ACOXL: variants seen among roughly 807,000 people sequenced by gnomAD.
ACOXL encodes the protein acyl-coenzyme A oxidase-like protein.
Under a neutral mutation model 71.9 loss-of-function variants are expected in ACOXL, and 70 were observed. The ratio of observed to expected loss-of-function variants is 0.97; its 90% CI spans 0.80 to 1.19. The LOEUF is 1.19. Among genes scored for constraint, ACOXL ranks in the 50% most tolerant of loss-of-function variants. ACOXL has a pLI of 0.00. For missense variants in ACOXL, 703 were observed against 736.3 expected, an observed-to-expected ratio of 0.95 and a Z score of 0.52; for synonymous variants, 253 against 281.6, an observed-to-expected ratio of 0.90 and a Z score of 1.02.
At chr2:111,013,802 T>C (rs2064293999) in intron 14 of ACOXL, among the ~76,000 whole-genome samples, 1 of 152,144 alleles carries the variant, frequency 6.6e-6, no homozygotes, top group Non-Finnish European at 1.5e-5. Flanking sequence ...GTAAGACTGA[T>C]ACCCAAAATT....
At chr2:110,794,985 T>C (rs928513083) in intron 5 of ACOXL, among the ~76,000 whole-genome samples, 7 of 150,950 alleles carry the variant, frequency 4.6e-5, no homozygotes, top group Admixed American at 2.0e-4. Context: ...TGTGTACTTA[T>C]CTCACTCTCC....
intron 1 of ACOXL, among the ~76,000 whole-genome samples, chr2:110,744,003 C>G (rs1262673889): frequency 6.6e-6 from 1 of 152,178 alleles, no homozygotes; most frequent in African/African-American, 2.4e-5. Context: ...CTCTGGGGCC[C>G]CCCAGGCACT....
At chr2:110,743,743 C>G (rs1677828945) in intron 1 of ACOXL, among the ~76,000 whole-genome samples, 6 of 152,320 alleles carry the variant, frequency 3.9e-5, no homozygotes, top group Admixed American at 2.6e-4. Flanking sequence ...TTTTTCCTAG[C>G]CCTTAGAACT....
chr2:111,036,726 G>A (rs544145739), intron 15 of ACOXL: 2 of 152,376 alleles, frequency 1.3e-5, no homozygotes, highest in Admixed American at 1.3e-4. Flanking sequence ...TTGAGGTCTG[G>A]AAATCCAGGA....
At chr2:111,077,304 C>T (rs2067652313) in intron 16 of ACOXL, among the ~76,000 whole-genome samples, 1 of 152,124 alleles carries the variant, frequency 6.6e-6, no homozygotes, top group Non-Finnish European at 1.5e-5. Flanking sequence ...AATATTTTAT[C>T]TCTTCAAGTG....
intron 16 of ACOXL, among the ~76,000 whole-genome samples, chr2:111,064,158 G>A (rs1030378778): frequency 2.0e-5 from 3 of 152,052 alleles, no homozygotes; most frequent in African/African-American, 7.2e-5. Flanking sequence ...TGTAGTAGGC[G>A]GGGCACAGTG....
At chr2:110,771,563 A>C (rs1681937342) in intron 2 of ACOXL, among the ~76,000 whole-genome samples, 1 of 152,270 alleles carries the variant, frequency 6.6e-6, no homozygotes. Context: ...AGAATAAACC[A>C]TTAAAATATT....
intron 9 of ACOXL, among the ~76,000 whole-genome samples, chr2:110,815,717 G>A (rs1364128250): frequency 1.3e-5 from 2 of 152,190 alleles, no homozygotes; most frequent in Admixed American, 6.5e-5. Context: ...GGCAGGAACC[G>A]AAGGAGGTAA....
At chr2:110,881,986 C>G (rs904078053) in intron 10 of ACOXL, among the ~76,000 whole-genome samples, 1 of 151,950 alleles carries the variant, frequency 6.6e-6, no homozygotes, top group Admixed American at 6.6e-5. Context: ...TTCTCTCAGG[C>G]AAATAAGAAT....
chr2:110,768,739 TTTC>T (rs1681473916), intron 2 of ACOXL, among the ~76,000 whole-genome samples: 1 of 152,156 alleles, frequency 6.6e-6, no homozygotes, highest in Non-Finnish European at 1.5e-5. Flanking sequence ...CGCCTATTGA[TTTC>T]TTCTTTGTGT....
intron 17 of ACOXL, among the ~76,000 whole-genome samples, chr2:111,107,087 T>C (rs1022902296): frequency 6.6e-6 from 1 of 152,234 alleles, no homozygotes. Flanking sequence ...CTATAGCGTG[T>C]TGTGGCTGTA....
At chr2:110,981,129 G>A (rs375084083) in intron 12 of ACOXL, among the ~76,000 whole-genome samples, 3 of 152,204 alleles carry the variant, frequency 2.0e-5, no homozygotes, top group East Asian at 3.9e-4. Context: ...TTGGGAGGCT[G>A]AGGCGGGTGG....
intron 12 of ACOXL, among the ~76,000 whole-genome samples, chr2:110,983,027 C>T (rs2062782763): frequency 6.6e-6 from 1 of 152,210 alleles, no homozygotes; most frequent in African/African-American, 2.4e-5. Flanking sequence ...GGGCCCAGTG[C>T]CGTAAGTACT....
intron 10 of ACOXL, among the ~76,000 whole-genome samples, chr2:110,891,633 C>CA (rs1697939009): frequency 6.6e-6 from 1 of 151,988 alleles, no homozygotes; most frequent in Non-Finnish European, 1.5e-5. Context: ...GATCTTCCTC[C>CA]ATTTGCTGTA....
At chr2:110,859,186 A>G (rs766736235) in intron 10 of ACOXL, among the ~76,000 whole-genome samples, 1 of 152,242 alleles carries the variant, frequency 6.6e-6, no homozygotes, top group Non-Finnish European at 1.5e-5. Flanking sequence ...TGAAAAATCC[A>G]AAACAAAGAG....
intron 16 of ACOXL, among the ~76,000 whole-genome samples, chr2:111,069,152 T>TC (rs199552266): frequency 7.3e-5 from 11 of 150,732 alleles, no homozygotes; most frequent in East Asian, 1.9e-4. Flanking sequence ...TTTCTTTTTT[T>TC]TTTTTTTTTT....
chr2:110,768,641 C>T (rs566588875), intron 2 of ACOXL, among the ~76,000 whole-genome samples, 177 bp downstream of exon 2: 87 of 151,924 alleles, frequency 5.7e-4, no homozygotes, highest in African/African-American at 2.0e-3. Flanking sequence ...AGAGTATTTC[C>T]TCACCCCAGT....
chr2:110,794,836 G>A (rs565685792), intron 5 of ACOXL, among the ~76,000 whole-genome samples: 105 of 151,198 alleles, frequency 6.9e-4, no homozygotes, highest in African/African-American at 2.5e-3. Flanking sequence ...AAAGATGTTG[G>A]CTAAGTCTCT....
intron 10 of ACOXL, among the ~76,000 whole-genome samples, chr2:110,891,618 A>G (rs780316090): frequency 1.3e-5 from 2 of 151,998 alleles, no homozygotes; most frequent in Non-Finnish European, 2.9e-5. Flanking sequence ...TTTTACTGAA[A>G]TTTAGATCTT....
Sources: allele counts gnomAD v4.1 joint callset (sites outside exome capture counted in the v4.1 genomes callset), GRCh38; gene constraint gnomAD v4.1.1; transcripts MANE v1.5; gene names NCBI Gene and HGNC (gene_info 2026-07-23, HGNC 2026-07-21).